DPYD: variants seen among roughly 807,000 people sequenced by gnomAD.
DPYD encodes the protein dihydropyrimidine dehydrogenase, also known as dihydropyrimidine dehydrogenase [NADP(+)].
In DPYD, 109 loss-of-function variants were observed where a neutral mutation model predicts 116.2. The ratio of observed to expected loss-of-function variants is 0.94; its 90% CI spans 0.80 to 1.10. DPYD has a LOEUF of 1.10. Ranked by LOEUF, DPYD falls within the 50% of genes least tolerant of loss-of-function variation. DPYD has a pLI of 0.00. For missense variants in DPYD, 1,302 were observed against 1,254.5 expected, an observed-to-expected ratio of 1.04 and a Z score of -0.57; for synonymous variants, 440 against 432.0, an observed-to-expected ratio of 1.02 and a Z score of -0.23.
At chr1:97,642,416 A>G (rs1657975116) in intron 8 of DPYD, among the ~76,000 whole-genome samples, 1 of 152,058 alleles carries the variant, frequency 6.6e-6, no homozygotes, top group Non-Finnish European at 1.5e-5. Context: ...GGAACAGAAC[A>G]GAGGCCTCAG....
chr1:97,526,209 C>G (rs1649076734), intron 12 of DPYD, among the ~76,000 whole-genome samples: 2 of 152,140 alleles, frequency 1.3e-5, no homozygotes, highest in Non-Finnish European at 2.9e-5. Flanking sequence ...TCATGAAACT[C>G]ATGCAGAAAT....
chr1:97,450,596 T>G (rs1570753608), intron 13 of DPYD, among the ~76,000 whole-genome samples: 1 of 141,638 alleles, frequency 7.1e-6, no homozygotes, highest in Non-Finnish European at 1.5e-5. Flanking sequence ...TCTAGGTATC[T>G]CCAATCATAG....
At chr1:97,864,451 G>A (rs993573116) in intron 2 of DPYD, among the ~76,000 whole-genome samples, 1 of 151,830 alleles carries the variant, frequency 6.6e-6, no homozygotes, top group Non-Finnish European at 1.5e-5. Context: ...AGGCCACTAA[G>A]GAGTGGAATT....
intron 16 of DPYD, among the ~76,000 whole-genome samples, chr1:97,331,683 C>A (rs548917204): frequency 2.4e-4 from 36 of 152,226 alleles, no homozygotes; most frequent in African/African-American, 7.9e-4. Flanking sequence ...TTATTAATAA[C>A]TCCTCTGAAG....
chr1:97,708,243 A>C (rs1172020813), intron 5 of DPYD, among the ~76,000 whole-genome samples: 1 of 152,044 alleles, frequency 6.6e-6, no homozygotes, highest in Non-Finnish European at 1.5e-5. Context: ...GGTCATCTAC[A>C]TGGTCTCCCA....
chr1:97,305,480 T>G, intron 17 of DPYD, 102 bp from the exon 18 acceptor site: 2 of 1,485,110 alleles, frequency 1.3e-6, no homozygotes, highest in Non-Finnish European at 1.9e-6. Flanking sequence ...CTATTTTATC[T>G]TGAGAACATG....
chr1:97,836,493 ATTAAAG>A (rs1340601389), intron 2 of DPYD, among the ~76,000 whole-genome samples: 1 of 152,166 alleles, frequency 6.6e-6, no homozygotes, highest in Non-Finnish European at 1.5e-5. Context: ...TGTGTGTAAG[ATTAAAG>A]TTAGACACCA....
chr1:97,790,539 A>T (rs1667264955), intron 3 of DPYD, among the ~76,000 whole-genome samples: 1 of 152,196 alleles, frequency 6.6e-6, no homozygotes, highest in Admixed American at 6.5e-5. Context: ...TGGTTCTCTT[A>T]CTTTTCTGAC....
chr1:97,189,244 T>C (rs1269168530), intron 20 of DPYD, among the ~76,000 whole-genome samples: 1 of 152,084 alleles, frequency 6.6e-6, no homozygotes, highest in Non-Finnish European at 1.5e-5. Flanking sequence ...ACAGCCAAGG[T>C]TCAAAAAGGA....
intron 8 of DPYD, among the ~76,000 whole-genome samples, chr1:97,668,779 G>C (rs1325534312): frequency 6.6e-6 from 1 of 151,558 alleles, no homozygotes; most frequent in Non-Finnish European, 1.5e-5. Context: ...CAGTATTCTA[G>C]GAATGATAAA....
At chr1:97,162,228 C>T (rs1161269725) in intron 20 of DPYD, among the ~76,000 whole-genome samples, 4 of 152,138 alleles carry the variant, frequency 2.6e-5, no homozygotes, top group Non-Finnish European at 5.9e-5. Flanking sequence ...TCCTCTCCAG[C>T]ACCTGTTGTT....
chr1:97,079,328 G>T (rs2101549686), intron 22 of DPYD, among the ~76,000 whole-genome samples, 182 bp from the exon 23 acceptor site: 1 of 152,246 alleles, frequency 6.6e-6, no homozygotes, highest in Admixed American at 6.5e-5. Flanking sequence ...AGCGAGAAAA[G>T]AAATCCTTTT....
At chr1:97,919,860 C>T (rs574389780) in intron 1 of DPYD, among the ~76,000 whole-genome samples, 1 of 152,262 alleles carries the variant, frequency 6.6e-6, no homozygotes, top group Non-Finnish European at 1.5e-5. Context: ...GGACTACTTC[C>T]TCCCAGAATA....
intron 20 of DPYD, among the ~76,000 whole-genome samples, chr1:97,099,921 A>G (rs1650542107): frequency 6.6e-6 from 1 of 152,162 alleles, no homozygotes; most frequent in African/African-American, 2.4e-5. Context: ...ATACTTATGT[A>G]GAAATATCTA....
At chr1:97,432,486 A>G (rs1675238438) in intron 14 of DPYD, among the ~76,000 whole-genome samples, 1 of 150,592 alleles carries the variant, frequency 6.6e-6, no homozygotes, top group African/African-American at 2.4e-5. Context: ...ACATCTTTTC[A>G]TGACTGTTTT....
chr1:97,749,279 G>T (rs2101092701), intron 3 of DPYD, among the ~76,000 whole-genome samples: 1 of 152,298 alleles, frequency 6.6e-6, no homozygotes, highest in Non-Finnish European at 1.5e-5. Flanking sequence ...GAAGGAATTA[G>T]TGAAGAGTCA....
At chr1:97,531,668 A>G (rs1274735533) in intron 12 of DPYD, among the ~76,000 whole-genome samples, 4 of 152,282 alleles carry the variant, frequency 2.6e-5, no homozygotes, top group African/African-American at 9.6e-5. Flanking sequence ...GTAAAAATGT[A>G]TTTGGAATTT....
At chr1:97,583,408 C>A (rs188712696) in intron 10 of DPYD, among the ~76,000 whole-genome samples, 71 of 152,158 alleles carry the variant, frequency 4.7e-4, no homozygotes, top group East Asian at 4.1e-3. Context: ...AAACCTAACA[C>A]CTATTTTCTT....
chr1:97,699,359 A>G lies in DPYD; in HGVS notation c.672T>C (p.Gly224=), dbSNP rs753828034. Residue 224 remains glycine (G), a synonymous_variant, in exon 6 of 23, where the codon GGT becomes GGC. Transcript: ENST00000370192. ...ATAAATGTAGGCATTACCTTAAACC[A>G]CCAACATATTCTTGTTTTTCAAATA... is the stretch of plus-strand genomic sequence containing the variant. ...ITIFEKQEYV[G]GLSTSEIPQF... is the part of the protein sequence containing the mutation. 7 of 1,613,460 alleles carry G rather than the reference A, an allele frequency of 4.3e-6. No individual in the cohort carries two copies. Among genetic ancestry groups the G allele is most frequent in the South Asian group, 2.2e-5 (2 of 91,080 alleles).
Sources: gnomAD v4.1 joint callset for allele counts (sites outside exome capture counted in the v4.1 genomes callset) on GRCh38, gnomAD v4.1.1 for gene constraint, MANE v1.5 for transcripts, NCBI Gene and HGNC (gene_info 2026-07-23, HGNC 2026-07-21) for gene names.